Variants in EYS observed in about 807,000 individuals in gnomAD.
The protein encoded by EYS is protein eyes shut homolog.
In EYS, 250 loss-of-function variants were observed where a neutral mutation model predicts 282.1. The observed-to-expected ratio is 0.89, with a 90% CI of 0.80 to 0.98. The LOEUF is 0.98. Among genes scored for constraint, EYS ranks in the 50% least tolerant of loss-of-function variants. EYS has a pLI of 0.00. For synonymous variants in EYS, 1,355 were observed against 1,282.9 expected (o/e 1.06, Z -1.20); for missense variants, 4,016 against 3,709.0 (o/e 1.08, Z -2.15).
intron 16 of EYS, among the ~76,000 whole-genome samples, chr6:64,905,976 T>G (rs1459045277): frequency 6.6e-6 from 1 of 151,774 alleles, no homozygotes; most frequent in Non-Finnish European, 1.5e-5. Flanking sequence ...CTTTCAAAAG[T>G]ATTAAATGTA....
rs377415056 is a variant in EYS, at chr6:65,628,227, C to G, written c.-333+11551G>C. Among the ~76,000 whole-genome samples the G allele has an allele frequency of 7.9e-5, 12 of 151,722 alleles. No homozygotes were observed. In the East Asian group the frequency reaches 1.8e-3, roughly 22 times the overall value. ...GCTCAAGGTTTGTGAGTGCACCAAT[C>G]GACACTCCGTATCTAGCTGCTCTGG... On this transcript the variant is annotated intron_variant, in intron 2 of 42. Coordinates refer to ENST00000503581, the MANE Select transcript of EYS (RefSeq NM_001142800.2).
At chr6:63,737,352 G>T (rs1243995607) in intron 41 of EYS, among the ~76,000 whole-genome samples, 2 of 151,878 alleles carry the variant, frequency 1.3e-5, no homozygotes, top group African/African-American at 4.8e-5. Flanking sequence ...TAATCATGTG[G>T]TTTTTGTCTT....
chr6:64,772,336 G>C (rs1483174138), intron 22 of EYS, among the ~76,000 whole-genome samples: 1 of 151,606 alleles, frequency 6.6e-6, no homozygotes, highest in Admixed American at 6.6e-5. Context: ...CTGTTGATTT[G>C]TGTAAGTAGC....
chr6:65,176,136 A>G (rs1047787185), intron 12 of EYS, among the ~76,000 whole-genome samples: 1 of 151,538 alleles, frequency 6.6e-6, no homozygotes, highest in African/African-American at 2.4e-5. Context: ...TAAATCCACA[A>G]TACAGAATTG....
At chr6:64,550,966 G>A (rs893130357) in intron 26 of EYS, among the ~76,000 whole-genome samples, 1 of 152,130 alleles carries the variant, frequency 6.6e-6, no homozygotes, top group African/African-American at 2.4e-5. Flanking sequence ...AATTCTAATA[G>A]TAATTACTTG....
intron 22 of EYS, among the ~76,000 whole-genome samples, chr6:64,679,114 C>T (rs899250362): frequency 2.0e-5 from 3 of 151,838 alleles, no homozygotes; most frequent in African/African-American, 7.2e-5. Flanking sequence ...TTTCTATCCT[C>T]TTCTCTGCAG....
chr6:65,087,139 C>T (rs376750511), intron 12 of EYS, among the ~76,000 whole-genome samples: 9 of 151,936 alleles, frequency 5.9e-5, no homozygotes, highest in South Asian at 2.1e-4. Context: ...TATTTTTTAA[C>T]GCGGTAACAT....
chr6:65,236,986 C>T (rs552327357), intron 12 of EYS, among the ~76,000 whole-genome samples: 3 of 152,162 alleles, frequency 2.0e-5, no homozygotes, highest in East Asian at 1.9e-4. Context: ...GGTATAAGGT[C>T]GTAGATGTGC....
chr6:63,959,113 G>T (rs1765946860), intron 35 of EYS, among the ~76,000 whole-genome samples: 1 of 152,058 alleles, frequency 6.6e-6, no homozygotes, highest in Admixed American at 6.6e-5. Context: ...TCTGCAATCT[G>T]CTTATCTGAC....
chr6:64,591,745 T>A lies in EYS; in HGVS notation c.4122A>T (p.Arg1374=). ...AGAAACCTAGTGTGGCTGCTGAAGT[T>A]CGAATAGGCATATGTGATACCGATG... ...DKTSVSHMPI[R]TSAATLGFFF... Residue 1374 remains arginine, a synonymous_variant, in exon 26 of 43, where the codon CGA becomes CGT. Transcript: ENST00000503581. 6.4e-7 allele frequency: 1 copy of A among 1,551,396 alleles called. No homozygotes were observed.
At chr6:65,282,882 T>A (rs1228917077) in intron 12 of EYS, among the ~76,000 whole-genome samples, 1 of 151,974 alleles carries the variant, frequency 6.6e-6, no homozygotes, top group Non-Finnish European at 1.5e-5. Context: ...AATGGCTCAG[T>A]CTGCAGAGTT....
rs1314013207 is a variant in EYS, at chr6:64,912,713, C to G, written c.2412G>C (p.Gln804His). ...RCECTSGWTG[Q>H]NCSEEINECD... ...ATTCATTTATTTCTTCACTACAGTT[C>G]TGTCCAGTCCATCCAGATGTACACT... The change falls in exon 16 of 43, where the codon CAG becomes CAC. Residue 804 changes from glutamine (Q) to histidine (H), a missense_variant. By Grantham distance (24) the Gln-to-His change is conservative. Coordinates refer to ENST00000503581, the MANE Select transcript of EYS (RefSeq NM_001142800.2). The G allele has an allele frequency of 2.1e-6, 3 of 1,459,560 alleles. No homozygotes were observed. Among genetic ancestry groups the G allele is most frequent in the Non-Finnish European group, 2.7e-6 (3 of 1,097,970 alleles). 90.4% of individuals were successfully genotyped at this position (1,459,560 alleles called of 1,614,324 possible). A position where few individuals can be genotyped will look rare whatever the true frequency, so the allele number is the denominator to read the frequency against.
intron 22 of EYS, among the ~76,000 whole-genome samples, chr6:64,797,993 T>C (rs576371612): frequency 6.6e-6 from 1 of 151,978 alleles, no homozygotes; most frequent in East Asian, 1.9e-4. Flanking sequence ...TGGATAAACC[T>C]AGATATATAT....
At chr6:63,814,365 G>A (rs1450271137) in intron 36 of EYS, among the ~76,000 whole-genome samples, 3 of 152,138 alleles carry the variant, frequency 2.0e-5, no homozygotes, top group Non-Finnish European at 4.4e-5. Context: ...ATAAAATCAA[G>A]CTCTCTATTC....
chr6:65,589,221 T>C (rs1200540628), intron 2 of EYS, among the ~76,000 whole-genome samples: 1 of 152,078 alleles, frequency 6.6e-6, no homozygotes, highest in Non-Finnish European at 1.5e-5. Flanking sequence ...ATTGTGTGTA[T>C]GTTGTACTCT....
chr6:65,039,226 T>C (rs1441673547), intron 13 of EYS, among the ~76,000 whole-genome samples: 1 of 151,602 alleles, frequency 6.6e-6, no homozygotes, highest in Non-Finnish European at 1.5e-5. Flanking sequence ...TTTTTCCGTA[T>C]GAATATCTAC....
chr6:64,080,911 T>C (rs1279542065), intron 32 of EYS, among the ~76,000 whole-genome samples: 2 of 152,052 alleles, frequency 1.3e-5, no homozygotes, highest in Admixed American at 1.3e-4. Flanking sequence ...GTTCCATTGG[T>C]CTATATCTCT....
chr6:64,491,164 G>A (rs574380171), intron 26 of EYS, among the ~76,000 whole-genome samples: 1 of 150,784 alleles, frequency 6.6e-6, no homozygotes, highest in South Asian at 2.1e-4. Context: ...GTAATTGTTT[G>A]GAGACAACTA....
chr6:65,061,356 C>A (rs954599615), intron 12 of EYS, among the ~76,000 whole-genome samples: 1 of 151,882 alleles, frequency 6.6e-6, no homozygotes, highest in African/African-American at 2.4e-5. Context: ...AACAATCAAG[C>A]ATTCTACATC....
Sources: gnomAD v4.1 joint callset for allele counts (sites outside exome capture counted in the v4.1 genomes callset) on GRCh38, gnomAD v4.1.1 for gene constraint, MANE v1.5 for transcripts, NCBI Gene and HGNC (gene_info 2026-07-23, HGNC 2026-07-21) for gene names.